The following CFAP77 variants were observed in gnomAD, a reference collection of about 807,000 sequenced individuals.
CFAP77 encodes cilia and flagella associated protein 77, also known as cilia- and flagella-associated protein 77.
In CFAP77, 25 loss-of-function variants were observed where a neutral mutation model predicts 31.1. The ratio of observed to expected loss-of-function variants is 0.80; its 90% CI spans 0.59 to 1.12. CFAP77 has a LOEUF of 1.12. Ranked by LOEUF, CFAP77 falls within the 50% of genes most tolerant of loss-of-function variation. CFAP77 has a pLI of 0.00. For synonymous variants in CFAP77, 151 were observed against 159.9 expected (o/e 0.94, Z 0.42); for missense variants, 377 against 397.3 (o/e 0.95, Z 0.44).
At chr9:132,568,719 T>C (rs561279356) in intron 5 of CFAP77, among the ~76,000 whole-genome samples, 1 of 152,238 alleles carries the variant, frequency 6.6e-6, no homozygotes, top group South Asian at 2.1e-4. Flanking sequence ...AGATTTTTTT[T>C]TGGAGACAGA....
intron 1 of CFAP77, among the ~76,000 whole-genome samples, chr9:132,459,300 T>A (rs1245528898): frequency 6.6e-6 from 1 of 152,142 alleles, no homozygotes. Flanking sequence ...CTCGATCTCC[T>A]GACCTCGTGA....
intron 1 of CFAP77, among the ~76,000 whole-genome samples, chr9:132,458,197 A>G (rs1232515772): frequency 6.6e-6 from 1 of 151,972 alleles, no homozygotes; most frequent in East Asian, 1.9e-4. Context: ...ATAAAGAGGG[A>G]CCCCGTTATC....
intron 1 of CFAP77, among the ~76,000 whole-genome samples, chr9:132,437,489 G>A (rs1353334537): frequency 1.3e-5 from 2 of 151,630 alleles, no homozygotes; most frequent in Non-Finnish European, 1.5e-5. Flanking sequence ...CAAGAGGGGC[G>A]GGACCACTTT....
chr9:132,554,625 C>T lies in CFAP77; in HGVS notation c.732+11578C>T, dbSNP rs1181221428. Among the ~76,000 whole-genome samples, 2 of 152,240 alleles carry T rather than the reference C, an allele frequency of 1.3e-5. No homozygotes were observed. The highest frequency in any genetic ancestry group is 2.9e-5 in the Non-Finnish European group (2 of 68,046). On this transcript the variant is annotated intron_variant, in intron 5 of 5. Coordinates refer to ENST00000393216, the MANE Select transcript of CFAP77 (RefSeq NM_001282957.2). The surrounding 1 kb of genome is among the most constrained non-coding windows in gnomAD (Gnocchi z 4.1). The stretch of plus-strand genomic sequence containing the variant: ...GTGTTAGGATCACAGGCATGAGCCA[C>T]TATGCCCAGCCCTTAAATACCTTGT...
rs564621911 is a variant in CFAP77 at position 132,433,794 on chromosome 9, C to T, written c.195+23328C>T. ...AACTCCTGACCTCAGGTGATCCACC[C>T]GCCTCGGCCTCCCAAAGTGCTGTGA... is the stretch of plus-strand genomic sequence containing the variant. On this transcript the variant is annotated intron_variant, in intron 1 of 5. Transcript: ENST00000393216. Among the ~76,000 whole-genome samples the T allele has an allele frequency of 6.6e-5, 10 of 152,040 alleles. No homozygotes were observed. The South Asian group carries it at 1.9e-3, about 28-fold the overall frequency.
chr9:132,439,844 G>A lies in CFAP77; in HGVS notation c.195+29378G>A, dbSNP rs1291465545. 7.7e-4 allele frequency among the ~76,000 whole-genome samples: 94 copies of A among 121,292 alleles called. 1 individual carries two copies. The highest frequency in any genetic ancestry group is 6.8e-3 in the Middle Eastern group (1 of 146). 79.6% of individuals were successfully genotyped at this position (121,292 alleles called of 152,430 possible). A position where few individuals can be genotyped will look rare whatever the true frequency, so the allele number is the denominator to read the frequency against. Reference sequence around the variant, plus strand: ...AGCCTGGGAGACAGAGCGAGACTCCGTCTCAAAAAAAAAAAAAAAAAAAAA... The same window carrying A: ...AGCCTGGGAGACAGAGCGAGACTCCATCTCAAAAAAAAAAAAAAAAAAAAA... On this transcript the variant is annotated intron_variant, in intron 1 of 5. Transcript: ENST00000393216.
At chr9:132,510,451 G>T (rs144035892) in intron 3 of CFAP77, among the ~76,000 whole-genome samples, 8 of 152,310 alleles carry the variant, frequency 5.3e-5, no homozygotes, top group Non-Finnish European at 1.0e-4. Context: ...GGTTGGTTTA[G>T]CTCTTTCCGG....
chr9:132,542,877 A>G, intron 4 of CFAP77, 69 bp from the exon 5 acceptor site: 1 of 1,215,686 alleles, frequency 8.2e-7, no homozygotes, highest in Non-Finnish European at 1.2e-6. Context: ...CTGTCTCTAT[A>G]TCCCTTCAGC....
At chr9:132,449,080 C>A (rs1850776563) in intron 1 of CFAP77, among the ~76,000 whole-genome samples, 1 of 152,122 alleles carries the variant, frequency 6.6e-6, no homozygotes, top group African/African-American at 2.4e-5. Context: ...ACAGAGGGGG[C>A]CAGTCTGGAG....
chr9:132,502,640 A>G (rs142882573), intron 3 of CFAP77, among the ~76,000 whole-genome samples: 91 of 152,338 alleles, frequency 6.0e-4, no homozygotes, highest in African/African-American at 1.8e-3. Context: ...CATCCATGTT[A>G]TAGCACGCAT....
intron 1 of CFAP77, among the ~76,000 whole-genome samples, chr9:132,486,098 T>TA (rs1269921105): frequency 0.091 from 7,398 of 81,376 alleles, 1,334 homozygotes; most frequent in Non-Finnish European, 0.13. Flanking sequence ...ATATTTTTTT[T>TA]TTTTTTTTTT....
At chr9:132,448,326 A>C (rs1298251749) in intron 1 of CFAP77, among the ~76,000 whole-genome samples, 1 of 152,198 alleles carries the variant, frequency 6.6e-6, no homozygotes, top group Admixed American at 6.5e-5. Context: ...GGTTGATTAA[A>C]ACACATCACT....
intron 1 of CFAP77, among the ~76,000 whole-genome samples, chr9:132,438,542 T>TATATATATATATATATATATA (rs1491134869): frequency 1.2e-5 from 1 of 81,934 alleles, no homozygotes; most frequent in Non-Finnish European, 2.4e-5. Context: ...TATATATATA[T>TATATATATATATATATATATA]TTTTTTTTTT....
rs775450229 is a variant in CFAP77, at chr9:132,498,036, C to T, written c.196-659C>T. Among the ~76,000 whole-genome samples the T allele has an allele frequency of 2.0e-5, 3 of 152,066 alleles. No homozygotes were observed. The highest frequency in any genetic ancestry group is 6.5e-5 in the Admixed American group (1 of 15,270). The stretch of plus-strand genomic sequence containing the variant: ...TTCTATAGCTATAAATGGGTGGTGG[C>T]GGCAGGGTGGGGGCGGCTAATGTGG... On this transcript the variant is annotated intron_variant, in intron 1 of 5. Transcript: ENST00000393216. This position sits in a 1 kb window ranked among gnomAD's most constrained non-coding sequence, Gnocchi z 4.2.
intron 1 of CFAP77, among the ~76,000 whole-genome samples, chr9:132,473,293 T>C (rs1302229244): frequency 6.6e-6 from 1 of 152,132 alleles, no homozygotes; most frequent in Non-Finnish European, 1.5e-5. Flanking sequence ...ATCCAAACTA[T>C]AGCAACCCGC....
chr9:132,456,574 C>T (rs1057212626), intron 1 of CFAP77, among the ~76,000 whole-genome samples: 3 of 152,094 alleles, frequency 2.0e-5, no homozygotes, highest in South Asian at 2.1e-4. Context: ...CTTGAGCGCC[C>T]GTGCAGAATC....
chr9:132,564,423 T>C lies in CFAP77; in HGVS notation c.733-7965T>C. On this transcript the variant is annotated intron_variant, in intron 5 of 5. Coordinates refer to ENST00000393216, the MANE Select transcript of CFAP77 (RefSeq NM_001282957.2). The surrounding 1 kb of genome is among the most constrained non-coding windows in gnomAD (Gnocchi z 4.6). ...AGCACCAAAGAAATTGAATTAGAAA[T>C]CAGTAACAAACCTAACTGATAAAAT... Among the ~76,000 whole-genome samples, 1 of 152,106 alleles carries C rather than the reference T, an allele frequency of 6.6e-6. No homozygotes were observed.
At chr9:132,458,342 C>CGTGGGGGGGG (rs145223432) in intron 1 of CFAP77, among the ~76,000 whole-genome samples, 2 of 71,196 alleles carry the variant, frequency 2.8e-5, no homozygotes, top group Non-Finnish European at 2.9e-5. Flanking sequence ...GTCTCCCTGG[C>CGTGGGGGGGG]GGGGGAGGGG....
At chr9:132,458,603 T>C (rs547685424) in intron 1 of CFAP77, among the ~76,000 whole-genome samples, 1 of 152,294 alleles carries the variant, frequency 6.6e-6, no homozygotes, top group South Asian at 2.1e-4. Context: ...AGCTCAGCAC[T>C]GTCCGGTGGA....
Sources: allele counts gnomAD v4.1 joint callset (sites outside exome capture counted in the v4.1 genomes callset), GRCh38; gene constraint gnomAD v4.1.1; non-coding constraint Gnocchi (gnomAD v3.1); transcripts MANE v1.5; gene names NCBI Gene and HGNC (gene_info 2026-07-23, HGNC 2026-07-21).